Variants in MFSD12 observed in about 807,000 individuals in gnomAD.
MFSD12 encodes the protein major facilitator superfamily domain-containing protein 12.
MFSD12 carries 67 observed loss-of-function variants against 51.2 expected under a neutral mutation model. The ratio of observed to expected loss-of-function variants is 1.31; its 90% confidence interval spans 1.08 to 1.60. MFSD12 has a LOEUF of 1.60. Ranked by LOEUF, MFSD12 falls within the 40% of genes most tolerant of loss-of-function variation. MFSD12 has a pLI of 0.00. For missense variants in MFSD12, 921 were observed against 673.0 expected (o/e 1.37, Z -4.08); for synonymous variants, 441 against 316.7 (o/e 1.39, Z -4.17).
intron 1 of MFSD12, among the ~76,000 whole-genome samples, chr19:3,552,467 CTTTT>C (rs397859575): frequency 3.1e-5 from 2 of 65,228 alleles, no homozygotes; most frequent in South Asian, 5.6e-4. Flanking sequence ...CGCGCCCCGC[CTTTT>C]TTTTTTTTTT....
downstream of MFSD12, chr19:3,539,352 C>G: frequency 1.4e-6 from 1 of 700,180 alleles, no homozygotes; most frequent in Non-Finnish European, 2.4e-6. Flanking sequence ...TGGGGTCTTG[C>G]ACGTGTCACT....
At position 3,548,283 on chromosome 19, in the gene MFSD12, G is replaced by T; in HGVS notation, c.510-16C>A. 1.3e-6 allele frequency: 2 copies of T among 1,545,962 alleles called. No individual in the cohort carries two copies. Among genetic ancestry groups the T allele is most frequent in the Non-Finnish European group, 8.7e-7 (1 of 1,146,868 alleles). Reference sequence around the variant, plus strand: ...GAACGCATACCTGGCGGGCAGGCGGGCAGGGACTCAACAAGACGCCAGGAA... The same window carrying T: ...GAACGCATACCTGGCGGGCAGGCGGTCAGGGACTCAACAAGACGCCAGGAA... On this transcript the variant is annotated splice_polypyrimidine_tract_variant and intron_variant, in intron 2 of 9. Coordinates refer to ENST00000355415, the MANE Select transcript of MFSD12 (RefSeq NM_174983.5).
At position 3,547,278 on chromosome 19, in the gene MFSD12, CCCAATG is replaced by C; in HGVS notation, c.1011_1016del (p.Cys337_Gly339delinsTrp). The C allele has an allele frequency of 6.2e-7, 1 of 1,613,060 alleles. No individual in the cohort carries two copies. The highest frequency in any genetic ancestry group is 8.5e-7 in the Non-Finnish European group (1 of 1,179,794). On this transcript the variant is annotated inframe_deletion, in exon 6 of 10. Coordinates refer to ENST00000355415, the MANE Select transcript of MFSD12 (RefSeq NM_174983.5). ...CCGGTCCCCGCCCACTCACGTTCCT[CCCAATG>C]CACTTGTTGATGGGCTTCATGAGGA...
Position 3,546,255 on chromosome 19 carries a change from C to A in MFSD12, c.1194G>T (p.Thr398=), listed in dbSNP as rs771508475. 3.1e-6 allele frequency: 5 copies of A among 1,610,076 alleles called. No homozygotes were observed. The highest frequency in any genetic ancestry group is 1.7e-5 in the Admixed American group (1 of 59,576). ...AMTADLIGPH[T]NSGAFVYGSM... Reference sequence around the variant, plus strand: ...ACCCCAGCCTGGCTACCAGCCCTACCGTGTGGGGACCGATGAGGTCGGCCG... The same window carrying A: ...ACCCCAGCCTGGCTACCAGCCCTACAGTGTGGGGACCGATGAGGTCGGCCG... Residue 398 remains threonine (T), a splice_region_variant and synonymous_variant, in exon 7 of 10, where the codon ACG becomes ACT. Transcript: ENST00000355415.
chr19:3,540,645 C>T (rs900379775), downstream of MFSD12, among the ~76,000 whole-genome samples: 3 of 151,024 alleles, frequency 2.0e-5, no homozygotes, highest in Admixed American at 6.6e-5. Flanking sequence ...TTTCGGAGGC[C>T]GAGGCAGGCG....
chr19:3,539,305 C>CTCCCTCCT, downstream of MFSD12: 5 of 1,238,956 alleles, frequency 4.0e-6, no homozygotes, highest in South Asian at 6.5e-5. Context: ...CCCTCCCTCC[C>CTCCCTCCT]TCCCTCCCTG....
Position 3,547,290 on chromosome 19 carries a change from G to A in MFSD12, c.1005C>T (p.Asn335=). The change falls in exon 6 of 10, where the codon AAC becomes AAT. Residue 335 remains asparagine, a synonymous_variant. Coordinates refer to ENST00000355415, the MANE Select transcript of MFSD12 (RefSeq NM_174983.5). ...FLSSFLMKPI[N]KCIGRNMTYF... is the part of the protein sequence containing the mutation. Reference sequence around the variant, plus strand: ...CACTCACGTTCCTCCCAATGCACTTGTTGATGGGCTTCATGAGGAAGGAGG... The same window carrying A: ...CACTCACGTTCCTCCCAATGCACTTATTGATGGGCTTCATGAGGAAGGAGG... 1.2e-6 allele frequency: 2 copies of A among 1,613,134 alleles called. No individual in the cohort carries two copies. The highest frequency in any genetic ancestry group is 2.2e-5 in the South Asian group (2 of 91,082).
At chr19:3,548,515 C>T (rs748203637) in intron 2 of MFSD12, among the ~76,000 whole-genome samples, 2 of 152,204 alleles carry the variant, frequency 1.3e-5, no homozygotes, top group African/African-American at 4.8e-5. Context: ...TACAGTGACT[C>T]GGCCAAGCGG....
chr19:3,545,836 C>T (rs943363420), intron 8 of MFSD12, among the ~76,000 whole-genome samples: 14 of 152,316 alleles, frequency 9.2e-5, no homozygotes, highest in Admixed American at 2.6e-4. Flanking sequence ...GGCCCACCCC[C>T]GATATATTTC....
In MFSD12 at chr19:3,547,452, C is replaced by T. The variant is rs761003610; in HGVS notation, c.930+3G>A. ...CCCAGCGTCCCCGCCCCAATCTGCT[C>T]ACCTTGGGCAGGTGGAGCGAGTAGG... On this transcript the variant is annotated splice_donor_region_variant and intron_variant, in intron 5 of 9. Coordinates refer to ENST00000355415, the MANE Select transcript of MFSD12 (RefSeq NM_174983.5). 19 of 1,612,788 alleles carry T rather than the reference C, an allele frequency of 1.2e-5. No homozygotes were observed. Among genetic ancestry groups the T allele is most frequent in the Non-Finnish European group, 3.4e-6 (4 of 1,179,870 alleles).
rs1219919467 is a variant in MFSD12, at chr19:3,557,328, C to T, written c.76G>A (p.Ala26Thr). 2.6e-6 allele frequency: 4 copies of T among 1,564,662 alleles called. No individual in the cohort carries two copies. Among genetic ancestry groups the T allele is most frequent in the Non-Finnish European group, 3.5e-6 (4 of 1,158,398 alleles). Residue 26 changes from alanine (A) to threonine (T), a missense_variant, in exon 1 of 10, where the codon GCC (alanine) becomes ACC (threonine). Ala to Thr is a moderately conservative substitution (Grantham distance 58). Coordinates refer to ENST00000355415, the MANE Select transcript of MFSD12 (RefSeq NM_174983.5). ...AGGTCGTTGAGGAAGTGGCCCACGGCGTAGCTCAGCCGCGCCACCAGGGAC... is the reference window on the plus strand; with the variant it reads ...AGGTCGTTGAGGAAGTGGCCCACGGTGTAGCTCAGCCGCGCCACCAGGGAC... Reference protein sequence around the residue: ...PLSLVARLSYAVGHFLNDLCA... With the variant: ...PLSLVARLSYTVGHFLNDLCA...
downstream of MFSD12, chr19:3,543,637 G>A: frequency 6.5e-7 from 1 of 1,544,166 alleles, no homozygotes; most frequent in Non-Finnish European, 8.7e-7. Flanking sequence ...CCCGGTGGGG[G>A]AGCGCGCTGT....
chr19:3,552,626 C>T (rs371947666), intron 1 of MFSD12, among the ~76,000 whole-genome samples: 5 of 151,178 alleles, frequency 3.3e-5, no homozygotes, highest in East Asian at 3.9e-4. Context: ...AGGTACCTGC[C>T]GCCACATCCC....
intron 1 of MFSD12, among the ~76,000 whole-genome samples, chr19:3,553,312 A>G (rs2031568415): frequency 6.6e-6 from 1 of 152,020 alleles, no homozygotes; most frequent in Admixed American, 6.6e-5. Flanking sequence ...CAGTTTTCAG[A>G]AAACAGGGAT....
At position 3,544,841 on chromosome 19, in the gene MFSD12, C is replaced by T; in HGVS notation, c.1388G>A (p.Ser463Asn). 6.2e-7 allele frequency: 1 copy of T among 1,612,554 alleles called. No individual in the cohort carries two copies. The highest frequency in any genetic ancestry group is 8.5e-7 in the Non-Finnish European group (1 of 1,179,696). The change falls in exon 9 of 10, where the codon AGC becomes AAC. Residue 463 changes from serine to asparagine, a missense_variant. Ser to Asn is a conservative substitution (Grantham distance 46). Coordinates refer to ENST00000355415, the MANE Select transcript of MFSD12 (RefSeq NM_174983.5). The part of the protein sequence containing the change: ...VGVAAALCLC[S>N]LLLWPTRLRR... ...CAGGCGGGTCGGCCACAGCAGGAGGCTACAGAGACACAGGGCAGCGGCCAC... is the reference window on the plus strand; with the variant it reads ...CAGGCGGGTCGGCCACAGCAGGAGGTTACAGAGACACAGGGCAGCGGCCAC...
chr19:3,552,834 T>G (rs991926004), intron 1 of MFSD12, among the ~76,000 whole-genome samples: 11 of 152,160 alleles, frequency 7.2e-5, no homozygotes, highest in Non-Finnish European at 1.3e-4. Flanking sequence ...TGACACAGCC[T>G]GTAAGCGTGG....
At chr19:3,539,064 C>G in intron 4 of MFSD12, 1 of 685,972 alleles carries the variant, frequency 1.5e-6, no homozygotes, top group Non-Finnish European at 2.6e-6. Context: ...CACCTCACCC[C>G]GCAGCTGGGA....
In MFSD12 at chr19:3,544,394, G is replaced by C. The variant is rs540654467; in HGVS notation, c.*316C>G. The C allele has an allele frequency of 2.7e-5, 36 of 1,309,576 alleles. No homozygotes were observed. Among genetic ancestry groups the C allele is most frequent in the Admixed American group, 7.1e-5 (2 of 28,210 alleles). The allele number at this position is 1,309,576 out of a possible 1,614,324, so 81.1% of individuals were successfully genotyped here. A position where few individuals can be genotyped will look rare whatever the true frequency, so the allele number is the denominator to read the frequency against. The stretch of plus-strand genomic sequence containing the variant: ...TGAGGGGTGAACTGGACTGAGCTCA[G>C]GGTTAGGGTTCCCCCAGACCCTTCT... On this transcript the variant is annotated 3_prime_UTR_variant, in exon 10 of 10. Coordinates refer to ENST00000355415, the MANE Select transcript of MFSD12 (RefSeq NM_174983.5).
chr19:3,548,870 G>C (rs1179605025), intron 2 of MFSD12, among the ~76,000 whole-genome samples: 1 of 152,228 alleles, frequency 6.6e-6, no homozygotes, highest in Non-Finnish European at 1.5e-5. Context: ...TGGGCAACCT[G>C]TGTCGTTAGC....
Sources: gnomAD v4.1 joint callset for allele counts (sites outside exome capture counted in the v4.1 genomes callset) on GRCh38, gnomAD v4.1.1 for gene constraint, MANE v1.5 for transcripts, NCBI Gene and HGNC (gene_info 2026-07-23, HGNC 2026-07-21) for gene names.